Variants in DBNDD2 observed in about 807,000 individuals in gnomAD.
The protein encoded by DBNDD2 is dysbindin domain containing 2.
DBNDD2 carries 8 observed loss-of-function variants against 14.0 expected under a neutral mutation model. That is an observed-to-expected ratio of 0.57 (90% CI 0.33 to 1.03). The LOEUF is 1.03. DBNDD2 is among the 50% of genes least tolerant of loss of function. The pLI, the probability that DBNDD2 is intolerant of heterozygous loss-of-function variation, is 0.03. For missense variants in DBNDD2, 194 were observed against 206.0 expected, an observed-to-expected ratio of 0.94 and a Z score of 0.36; for synonymous variants, 94 against 85.3, an observed-to-expected ratio of 1.10 and a Z score of -0.56.
In DBNDD2 at chr20:45,408,832, G is replaced by C; in HGVS notation, c.171G>C (p.Val57=). The part of the protein sequence containing the change: ...PPIGSISSME[V]NVDTLEQVEL... ...TAGGTAGTATCTCATCCATGGAAGT[G>C]AATGTGGACACACTGGAGCAAGTAG... Residue 57 remains valine, a synonymous_variant, in exon 2 of 3, where the codon GTG becomes GTC. Transcript: ENST00000372710. 6.2e-7 allele frequency: 1 copy of C among 1,614,202 alleles called. No individual in the cohort carries two copies. Among genetic ancestry groups the C allele is most frequent in the Non-Finnish European group, 8.5e-7 (1 of 1,180,052 alleles).
upstream of DBNDD2, chr20:45,408,054 C>A: frequency 6.8e-7 from 1 of 1,460,506 alleles, no homozygotes; most frequent in Non-Finnish European, 9.1e-7. Flanking sequence ...TGTCTCTATC[C>A]TATCCTGTCC....
At chr20:45,406,147 GC>G (rs1330628236), upstream of DBNDD2, 2 of 361,210 alleles carry the variant, frequency 5.5e-6, no homozygotes, top group East Asian at 5.9e-5. Context: ...TCAGTGCCCT[GC>G]CCCCTCCTGC....
chr20:45,407,588 G>C, upstream of DBNDD2: 1 of 986,992 alleles, frequency 1.0e-6, no homozygotes, highest in Non-Finnish European at 1.2e-6. Flanking sequence ...CTCAGCCCTA[G>C]GGGTCAGGAG....
chr20:45,406,461 G>A (rs1368606162), upstream of DBNDD2: 2 of 1,526,616 alleles, frequency 1.3e-6, no homozygotes, highest in East Asian at 2.8e-5. Flanking sequence ...GATGGGTGCG[G>A]GTAACTTTTT....
At position 45,410,253 on chromosome 20, in the gene DBNDD2, G is replaced by C. The variant is rs1479660064; in HGVS notation, c.*113G>C. 1 of 1,132,238 alleles carries C rather than the reference G, an allele frequency of 8.8e-7. No individual in the cohort carries two copies. Among genetic ancestry groups the C allele is most frequent in the Non-Finnish European group, 1.3e-6 (1 of 792,818 alleles). The allele number at this position is 1,132,238 out of a possible 1,614,324, so 70.1% of individuals were successfully genotyped here. A position where few individuals can be genotyped will look rare whatever the true frequency, so the allele number is the denominator to read the frequency against. On this transcript the variant is annotated 3_prime_UTR_variant, in exon 3 of 3. Coordinates refer to ENST00000372710, the MANE Select transcript of DBNDD2 (RefSeq NM_001048225.4). ...GACTCTTTACTTGCAGTAGGCACCA[G>C]AGGTGGGAAGGATGGTGGGATTGTG...
At position 45,408,622 on chromosome 20, in the gene DBNDD2, T is replaced by A; in HGVS notation, c.139+16T>A. ...TCGCAGAGACGTAAGTCCCAAGTCC[T>A]GAGAAGAGGGACTGGGGTAGGGTAG... On this transcript the variant is annotated intron_variant, in intron 1 of 2. Coordinates refer to ENST00000372710, the MANE Select transcript of DBNDD2 (RefSeq NM_001048225.4). 6.2e-7 allele frequency: 1 copy of A among 1,609,166 alleles called. No homozygotes were observed. Among genetic ancestry groups the A allele is most frequent in the Non-Finnish European group, 8.5e-7 (1 of 1,176,390 alleles).
Position 45,410,066 on chromosome 20 carries a change from G to C in DBNDD2, c.412G>C (p.Asp138His). 2 of 1,554,956 alleles carry C rather than the reference G, an allele frequency of 1.3e-6. No homozygotes were observed. The highest frequency in any genetic ancestry group is 1.9e-5 in the Admixed American group (1 of 51,414). Residue 138 changes from aspartate (D) to histidine (H), a missense_variant, in exon 3 of 3, where the codon GAT becomes CAT. Transcript: ENST00000372710. The stretch of plus-strand genomic sequence containing the variant: ...CCCAAATCCAAGTGATGATGGAGCA[G>C]ATACGCCCTTGGCACAGTCGGATGA... Reference protein sequence around the residue: ...HSPNPSDDGADTPLAQSDEEE... With the variant: ...HSPNPSDDGAHTPLAQSDEEE...
At chr20:45,408,288 C>A, upstream of DBNDD2, 1 of 1,559,356 alleles carries the variant, frequency 6.4e-7, no homozygotes. Flanking sequence ...GTTTGTGGGA[C>A]ACACTTGGTT....
intron 2 of DBNDD2, 171 bp downstream of exon 2, chr20:45,409,109 G>A: frequency 1.5e-6 from 2 of 1,337,656 alleles, no homozygotes; most frequent in South Asian, 2.7e-5. Flanking sequence ...TTGACCCTGA[G>A]GGAGAACTGG....
chr20:45,408,576 C>G lies in DBNDD2; in HGVS notation c.109C>G (p.Leu37Val). The G allele has an allele frequency of 1.9e-6, 3 of 1,613,880 alleles. No individual in the cohort carries two copies. The East Asian group carries it at 6.7e-5, about 36-fold the overall frequency. Residue 37 changes from leucine to valine, a missense_variant, in exon 1 of 3, where the codon CTG (leucine) becomes GTG (valine). Transcript: ENST00000372710. ...GCCAGAGACAGAGTTTGTCTTTCCT[C>G]TGTCCCATCTGCATCTCGAGTCGCA... ...LQPETEFVFP[L>V]SHLHLESQRP...
At chr20:45,408,632 G>A (rs1280270325) in intron 1 of DBNDD2, 26 bp downstream of exon 1, 3 of 1,606,874 alleles carry the variant, frequency 1.9e-6, no homozygotes, top group Non-Finnish European at 1.7e-6. Flanking sequence ...TGAGAAGAGG[G>A]ACTGGGGTAG....
upstream of DBNDD2, chr20:45,406,848 T>C: frequency 8.4e-7 from 1 of 1,196,410 alleles, no homozygotes; most frequent in Non-Finnish European, 1.0e-6. Context: ...CGACGCCTCG[T>C]GTCCCTTTTT....
In DBNDD2 at chr20:45,410,001, C is replaced by G; in HGVS notation, c.347C>G (p.Ser116Cys). ...PTSDRTTSRT[S>C]SSSSSDSSTN... ...TCAGACAGGACCACATCTAGGACCT[C>G]CTCCTCCTCCTCCTCCGACTCCTCC... Residue 116 changes from serine (S) to cysteine (C), a missense_variant, in exon 3 of 3, where the codon TCC becomes TGC. By Grantham distance (112) the Ser-to-Cys change is moderately radical. Transcript: ENST00000372710. 1 of 1,551,008 alleles carries G rather than the reference C, an allele frequency of 6.4e-7. No individual in the cohort carries two copies. Among genetic ancestry groups the G allele is most frequent in the African/African-American group, 1.4e-5 (1 of 73,126 alleles).
At position 45,409,582 on chromosome 20, in the gene DBNDD2, CA is replaced by C. The variant is rs1248909394; in HGVS notation, c.278-346del. ...TATAAGCATTCTTAGGTTTTATTCC[CA>C]AAACCCTTTGGGGATGTAGGTATCC... On this transcript the variant is annotated intron_variant, in intron 2 of 2. Transcript: ENST00000372710. Among the ~76,000 whole-genome samples the C allele has an allele frequency of 2.0e-5, 3 of 152,278 alleles. No individual in the cohort carries two copies. The East Asian group carries it at 5.8e-4, about 29-fold the overall frequency.
upstream of DBNDD2, chr20:45,408,165 G>C: frequency 6.5e-7 from 1 of 1,546,568 alleles, no homozygotes; most frequent in Non-Finnish European, 8.7e-7. Context: ...GCATGATATG[G>C]AGAGTTGGGC....
In DBNDD2 at chr20:45,410,225, C is replaced by A. The variant is rs1053329491; in HGVS notation, c.*85C>A. ...CCAGCCAGAGCCTGTCGGGAGAAGA[C>A]CAGACTCTTTACTTGCAGTAGGCAC... On this transcript the variant is annotated 3_prime_UTR_variant, in exon 3 of 3. Transcript: ENST00000372710. The A allele has an allele frequency of 7.0e-7, 1 of 1,430,598 alleles. No homozygotes were observed. The highest frequency in any genetic ancestry group is 1.3e-5 in the South Asian group (1 of 78,652). The allele number at this position is 1,430,598 out of a possible 1,614,324, so 88.6% of individuals were successfully genotyped here.
Position 45,408,417 on chromosome 20 carries a change from T to C in DBNDD2, c.-51T>C, listed in dbSNP as rs746116467. ...AAGCCCAGGTCCCCTCTGTCTTCTC[T>C]TTCGACTTTGCAGCTGTACTTGTTT... On this transcript the variant is annotated 5_prime_UTR_variant, in exon 1 of 3. Coordinates refer to ENST00000372710, the MANE Select transcript of DBNDD2 (RefSeq NM_001048225.4). The C allele has an allele frequency of 6.2e-7, 1 of 1,614,102 alleles. No individual in the cohort carries two copies. The highest frequency in any genetic ancestry group is 8.5e-7 in the Non-Finnish European group (1 of 1,180,052).
upstream of DBNDD2, chr20:45,406,656 C>T: frequency 7.4e-7 from 1 of 1,348,024 alleles, no homozygotes; most frequent in Non-Finnish European, 9.5e-7. Context: ...CCCCGGCCGG[C>T]GCGGCTCGCT....
In DBNDD2 at chr20:45,410,039, A is replaced by T; in HGVS notation, c.385A>T (p.Ser129Cys). The change falls in exon 3 of 3, where the codon AGC becomes TGC. Residue 129 changes from serine (S) to cysteine (C), a missense_variant. Ser to Cys is a moderately radical substitution (Grantham distance 112). Transcript: ENST00000372710. ...CTCCGACTCCTCCACCAACCTGCAT[A>T]GCCCAAATCCAAGTGATGATGGAGC... The part of the protein sequence containing the change: ...SSSDSSTNLH[S>C]PNPSDDGADT... 6.4e-7 allele frequency: 1 copy of T among 1,553,352 alleles called. No homozygotes were observed. The highest frequency in any genetic ancestry group is 8.7e-7 in the Non-Finnish European group (1 of 1,147,716).
Sources: gnomAD v4.1 joint callset for allele counts (sites outside exome capture counted in the v4.1 genomes callset) on GRCh38, gnomAD v4.1.1 for gene constraint, MANE v1.5 for transcripts, NCBI Gene and HGNC (gene_info 2026-07-23, HGNC 2026-07-21) for gene names.